Variants in MAGI1 observed in about 807,000 individuals in gnomAD.
The protein encoded by MAGI1 is membrane associated guanylate kinase, WW and PDZ domain containing 1, also known as membrane-associated guanylate kinase, WW and PDZ domain-containing protein 1.
Under a neutral mutation model 139.9 loss-of-function variants are expected in MAGI1, and 58 were observed. That is an observed-to-expected ratio of 0.41 (90% CI 0.34 to 0.52). The LOEUF (loss-of-function observed/expected upper bound fraction) is 0.52, where lower values mean the gene tolerates loss of function less well. MAGI1 is among the 20% of genes least tolerant of loss of function. The probability of loss-of-function intolerance (pLI) is 0.12; values close to 1 mark genes in which losing one functional copy is unlikely to be tolerated. For missense variants in MAGI1, 1,874 were observed against 1,901.6 expected, an observed-to-expected ratio of 0.99 and a Z score of 0.27; for synonymous variants, 812 against 737.9, an observed-to-expected ratio of 1.10 and a Z score of -1.63.
At chr3:65,601,723 C>T (rs995756903) in intron 2 of MAGI1, among the ~76,000 whole-genome samples, 1 of 134,886 alleles carries the variant, frequency 7.4e-6, no homozygotes, top group Non-Finnish European at 1.6e-5. Flanking sequence ...ACACCAAAAG[C>T]ACAAATAAAA....
chr3:65,518,812 G>A (rs1438340619), intron 2 of MAGI1, among the ~76,000 whole-genome samples: 1 of 152,126 alleles, frequency 6.6e-6, no homozygotes, highest in African/African-American at 2.4e-5. Context: ...TCTCCATGGA[G>A]TTGATATTCT....
chr3:65,401,526 T>C (rs958437103), intron 12 of MAGI1, 56 bp from the exon 13 acceptor site: 4 of 1,594,274 alleles, frequency 2.5e-6, no homozygotes, highest in African/African-American at 2.7e-5. Flanking sequence ...CATATAAATG[T>C]TACCTTTTCC....
intron 1 of MAGI1, among the ~76,000 whole-genome samples, chr3:65,733,048 GTTTT>G (rs1389082837): frequency 1.3e-5 from 2 of 151,624 alleles, no homozygotes; most frequent in African/African-American, 4.9e-5. Flanking sequence ...ATTGTTGTGG[GTTTT>G]TTGTTTTTGT....
intron 1 of MAGI1, among the ~76,000 whole-genome samples, chr3:65,967,321 T>A (rs908631146): frequency 5.9e-5 from 9 of 152,058 alleles, no homozygotes; most frequent in Non-Finnish European, 1.2e-4. Context: ...ATGTTTAAAA[T>A]TTTTCATAAG....
At chr3:65,800,016 G>T (rs150066236) in intron 1 of MAGI1, among the ~76,000 whole-genome samples, 99 of 152,240 alleles carry the variant, frequency 6.5e-4, no homozygotes, top group African/African-American at 2.3e-3. Context: ...CTTCCTGAAG[G>T]TTCCGACTGC....
At chr3:65,804,435 T>C (rs6802046) in intron 1 of MAGI1, among the ~76,000 whole-genome samples, 39,586 of 151,556 alleles carry the variant, frequency 0.26, 5,487 homozygotes, top group East Asian at 0.42. Flanking sequence ...TGAATTGATA[T>C]AAATTACATT....
intron 1 of MAGI1, among the ~76,000 whole-genome samples, chr3:65,877,340 T>G (rs1261918084): frequency 1.3e-5 from 2 of 152,186 alleles, no homozygotes; most frequent in African/African-American, 4.8e-5. Flanking sequence ...GAAACTGGGA[T>G]GAGTAACATC....
chr3:65,533,683 T>C (rs963289636), intron 2 of MAGI1, among the ~76,000 whole-genome samples: 1 of 152,198 alleles, frequency 6.6e-6, no homozygotes, highest in African/African-American at 2.4e-5. Flanking sequence ...GAAAGCTATA[T>C]ACAGAGTTCT....
intron 1 of MAGI1, among the ~76,000 whole-genome samples, chr3:65,999,943 CTG>C (rs2066651064): frequency 7.0e-6 from 1 of 143,860 alleles, no homozygotes; most frequent in African/African-American, 2.6e-5. Context: ...AAAATGTACT[CTG>C]GTTAATCAGG....
chr3:65,382,926 A>T (rs1236696233), intron 15 of MAGI1, among the ~76,000 whole-genome samples: 3 of 152,216 alleles, frequency 2.0e-5, no homozygotes, highest in African/African-American at 4.8e-5. Context: ...GGCTGTTATT[A>T]CCACAAGGAA....
At chr3:65,811,954 G>A (rs1184968247) in intron 1 of MAGI1, among the ~76,000 whole-genome samples, 8 of 151,562 alleles carry the variant, frequency 5.3e-5, no homozygotes, top group African/African-American at 1.7e-4. Context: ...GTGTGTGTGT[G>A]TGTGTGAGAG....
intron 1 of MAGI1, among the ~76,000 whole-genome samples, chr3:65,776,100 C>T (rs2038395929): frequency 6.6e-6 from 1 of 152,122 alleles, no homozygotes; most frequent in South Asian, 2.1e-4. Context: ...TGTTGTCCTT[C>T]CTACTTAGTT....
At chr3:65,863,689 C>T (rs2059627636) in intron 1 of MAGI1, among the ~76,000 whole-genome samples, 1 of 152,136 alleles carries the variant, frequency 6.6e-6, no homozygotes, top group African/African-American at 2.4e-5. Flanking sequence ...GAGTTCAAAG[C>T]CTCTAATCCA....
At chr3:65,379,045 A>G (rs1942815041) in intron 17 of MAGI1, 2 of 920,274 alleles carry the variant, frequency 2.2e-6, no homozygotes, top group Non-Finnish European at 3.2e-6. Context: ...TCACATTCTC[A>G]GTGTGGAAGT....
intron 2 of MAGI1, among the ~76,000 whole-genome samples, chr3:65,610,416 T>C (rs2082989087): frequency 6.6e-6 from 1 of 152,162 alleles, no homozygotes; most frequent in Non-Finnish European, 1.5e-5. Flanking sequence ...GTCCACCTGA[T>C]GATTTCACAT....
chr3:65,527,650 G>A (rs977686403), intron 2 of MAGI1, among the ~76,000 whole-genome samples: 6 of 152,034 alleles, frequency 3.9e-5, no homozygotes, highest in South Asian at 2.1e-4. Context: ...GTGTGAACCC[G>A]GGGGGCAGAG....
chr3:65,982,234 G>T (rs957861153), intron 1 of MAGI1, among the ~76,000 whole-genome samples: 1 of 152,254 alleles, frequency 6.6e-6, no homozygotes, highest in East Asian at 1.9e-4. Context: ...GACTTAGGAA[G>T]AAGGCTTCCA....
chr3:65,807,837 T>C (rs774396820), intron 1 of MAGI1, among the ~76,000 whole-genome samples: 1 of 152,156 alleles, frequency 6.6e-6, no homozygotes. Flanking sequence ...AGTATCTCCA[T>C]GTTACGGATG....
chr3:65,943,655 G>GTATA (rs201704101), intron 1 of MAGI1, among the ~76,000 whole-genome samples: 1 of 151,536 alleles, frequency 6.6e-6, no homozygotes, highest in Admixed American at 6.6e-5. Context: ...GTGTGTGTGT[G>GTATA]TATATATATA....
Sources: gnomAD v4.1 joint callset for allele counts (sites outside exome capture counted in the v4.1 genomes callset) on GRCh38, gnomAD v4.1.1 for gene constraint, MANE v1.5 for transcripts, NCBI Gene and HGNC (gene_info 2026-07-23, HGNC 2026-07-21) for gene names.